SHC4: variants seen among roughly 807,000 people sequenced by gnomAD.
SHC4 encodes SHC adaptor protein 4, also known as SHC-transforming protein 4.
Under a neutral mutation model 69.4 loss-of-function variants are expected in SHC4, and 41 were observed. That is an observed-to-expected ratio of 0.59 (90% CI 0.46 to 0.77). The LOEUF (loss-of-function observed/expected upper bound fraction) is 0.77, where lower values mean the gene tolerates loss of function less well. Among genes scored for constraint, SHC4 ranks in the 30% least tolerant of loss-of-function variants. The pLI, the probability that SHC4 is intolerant of heterozygous loss-of-function variation, is 0.00. For missense variants in SHC4, 777 were observed against 783.8 expected, an observed-to-expected ratio of 0.99 and a Z score of 0.10; for synonymous variants, 318 against 299.3, an observed-to-expected ratio of 1.06 and a Z score of -0.64.
intron 1 of SHC4, chr15:48,947,840 C>A (rs1390565152): frequency 6.6e-6 from 1 of 152,114 alleles, no homozygotes; most frequent in Non-Finnish European, 1.5e-5. Context: ...TATGGAGATG[C>A]AAAGGGCCCT....
intron 1 of SHC4, among the ~76,000 whole-genome samples, chr15:48,934,054 C>T (rs1016705177): frequency 6.6e-6 from 1 of 152,012 alleles, no homozygotes; most frequent in African/African-American, 2.4e-5. Flanking sequence ...ACCGAAAGCA[C>T]CAGCAACCAA....
chr15:48,889,389 A>G (rs921322548), intron 3 of SHC4, among the ~76,000 whole-genome samples: 1 of 152,212 alleles, frequency 6.6e-6, no homozygotes, highest in African/African-American at 2.4e-5. Context: ...AATGGGGCAG[A>G]ATGGTATAGA....
At chr15:48,851,765 G>C (rs1054406690) in intron 8 of SHC4, among the ~76,000 whole-genome samples, 10 of 152,152 alleles carry the variant, frequency 6.6e-5, no homozygotes, top group African/African-American at 2.4e-4. Flanking sequence ...GGATCCACTT[G>C]ATGCCTTTGA....
chr15:48,962,357 AC>A, intron 1 of SHC4, 73 bp downstream of exon 1: 2 of 1,434,652 alleles, frequency 1.4e-6, no homozygotes, highest in Non-Finnish European at 1.9e-6. Context: ...GTAACATTAG[AC>A]CCCTTGCAGA....
rs143470664 is a variant in SHC4, at chr15:48,867,191, C to T, written c.946+627G>A. On this transcript the variant is annotated intron_variant, in intron 6 of 11. Transcript: ENST00000332408. The stretch of plus-strand genomic sequence containing the variant: ...GTGCAAAGGTAATAGCAGTTTTTGC[C>T]ATTAAAAGCAATGGCAAACTGTGAT... Among the ~76,000 whole-genome samples, 974 of 152,148 alleles carry T rather than the reference C, an allele frequency of 6.4e-3. 10 individuals carry two copies. Among genetic ancestry groups the T allele is most frequent in the African/African-American group, 0.022 (920 of 41,496 alleles).
Position 48,857,739 on chromosome 15 carries a change from C to T in SHC4, c.1023G>A (p.Arg341=). 6.2e-7 allele frequency: 1 copy of T among 1,606,626 alleles called. No individual in the cohort carries two copies. Among genetic ancestry groups the T allele is most frequent in the Non-Finnish European group, 8.5e-7 (1 of 1,175,572 alleles). The change falls in exon 7 of 12, where the codon CGG becomes CGA. Residue 341 remains arginine (R), a synonymous_variant. Transcript: ENST00000332408. ...ISTIGQAFEL[R]FKQYLKNPSL... is the part of the protein sequence containing the mutation. ...AAGGATTTTTCAAGTACTGTTTAAA[C>T]CGGAGTTCAAAAGCCTGCCCTATGG...
chr15:48,950,272 A>C (rs1040959733), intron 1 of SHC4, among the ~76,000 whole-genome samples: 3 of 147,476 alleles, frequency 2.0e-5, no homozygotes, highest in Middle Eastern at 3.6e-3. Context: ...ATAATATATA[A>C]AATTACATAT....
intron 1 of SHC4, among the ~76,000 whole-genome samples, chr15:48,927,200 A>G (rs1309622457): frequency 6.6e-6 from 1 of 152,154 alleles, no homozygotes; most frequent in East Asian, 1.9e-4. Flanking sequence ...GATTGTCCAT[A>G]TGTCTTCACT....
chr15:48,837,788 T>C (rs1457276754), intron 10 of SHC4, among the ~76,000 whole-genome samples: 1 of 152,154 alleles, frequency 6.6e-6, no homozygotes, highest in Non-Finnish European at 1.5e-5. Context: ...ACAGTATAGA[T>C]ATGGCTATCC....
chr15:48,958,047 C>A (rs550780065), intron 1 of SHC4, among the ~76,000 whole-genome samples: 2 of 152,226 alleles, frequency 1.3e-5, no homozygotes, highest in African/African-American at 4.8e-5. Context: ...TGATTTCAGA[C>A]GTCCAGCCTC....
intron 10 of SHC4, among the ~76,000 whole-genome samples, chr15:48,842,482 C>T (rs1323753087): frequency 7.2e-5 from 11 of 152,138 alleles, no homozygotes; most frequent in Admixed American, 7.2e-4. Context: ...ATTTCTAAAC[C>T]TTGAAACCTA....
intron 11 of SHC4, among the ~76,000 whole-genome samples, chr15:48,831,599 C>T (rs181284041): frequency 7.9e-4 from 121 of 152,278 alleles, no homozygotes; most frequent in African/African-American, 2.8e-3. Flanking sequence ...GTGTAGTAGG[C>T]TATACTATCT....
At chr15:48,865,557 G>A (rs1237671700) in intron 6 of SHC4, among the ~76,000 whole-genome samples, 1 of 152,156 alleles carries the variant, frequency 6.6e-6, no homozygotes, top group Non-Finnish European at 1.5e-5. Context: ...TAAAAGATAA[G>A]GAAATCAAGG....
intron 11 of SHC4, among the ~76,000 whole-genome samples, chr15:48,826,391 G>C (rs1232365370): frequency 6.6e-6 from 1 of 151,870 alleles, no homozygotes; most frequent in Non-Finnish European, 1.5e-5. Flanking sequence ...TGGGACTACA[G>C]GCACGTGCCA....
chr15:48,944,724 G>A (rs1901243343), intron 1 of SHC4, among the ~76,000 whole-genome samples: 1 of 152,114 alleles, frequency 6.6e-6, no homozygotes, highest in African/African-American at 2.4e-5. Flanking sequence ...GCTTTCAGAT[G>A]GCAGCTGAGG....
At chr15:48,878,784 C>T (rs773420485) in intron 4 of SHC4, 2 of 1,535,424 alleles carry the variant, frequency 1.3e-6, no homozygotes, top group African/African-American at 2.7e-5. Flanking sequence ...AGGAGGGACC[C>T]AACTTTCCGC....
chr15:48,861,348 C>T (rs939174343), intron 6 of SHC4, among the ~76,000 whole-genome samples: 3 of 152,226 alleles, frequency 2.0e-5, no homozygotes, highest in Non-Finnish European at 4.4e-5. Flanking sequence ...AACAGACTGA[C>T]CTCATGCAGA....
intron 2 of SHC4, among the ~76,000 whole-genome samples, chr15:48,913,418 C>G (rs1900548880): frequency 1.3e-5 from 2 of 152,130 alleles, no homozygotes; most frequent in Admixed American, 6.5e-5. Flanking sequence ...CCCATGCAAA[C>G]CGAAGGTCCG....
chr15:48,839,008 A>G (rs948678539), intron 10 of SHC4, among the ~76,000 whole-genome samples: 3 of 152,144 alleles, frequency 2.0e-5, no homozygotes, highest in African/African-American at 7.2e-5. Context: ...TAAAAATAAA[A>G]TGGAAATCAG....
Sources: gnomAD v4.1 joint callset for allele counts (sites outside exome capture counted in the v4.1 genomes callset) on GRCh38, gnomAD v4.1.1 for gene constraint, MANE v1.5 for transcripts, NCBI Gene and HGNC (gene_info 2026-07-23, HGNC 2026-07-21) for gene names.